Variants in ABCA1 observed in about 807,000 individuals in gnomAD.
ABCA1 encodes the protein phospholipid-transporting ATPase ABCA1.
ABCA1 carries 133 observed loss-of-function variants against 262.5 expected under a neutral mutation model. That is an observed-to-expected ratio of 0.51 (90% CI 0.44 to 0.59). The LOEUF is 0.59. ABCA1 is among the 20% of genes least tolerant of loss of function. ABCA1 has a pLI of 0.00. For synonymous variants in ABCA1, 1,022 were observed against 1,043.5 expected (o/e 0.98, Z 0.40); for missense variants, 2,452 against 2,777.5 (o/e 0.88, Z 2.63).
chr9:104,903,226 G>A (rs1840810930), intron 2 of ABCA1, among the ~76,000 whole-genome samples: 1 of 152,146 alleles, frequency 6.6e-6, no homozygotes, highest in African/African-American at 2.4e-5. Context: ...TAAGAGTGGG[G>A]CCACTAACTC....
Position 104,812,594 on chromosome 9 carries a change from G to C in ABCA1, c.4030C>G (p.Arg1344Gly). Residue 1344 changes from arginine to glycine, a missense_variant, in exon 28 of 50, where the codon CGG (arginine) becomes GGG (glycine). Physicochemically the swap from Arg to Gly is moderately radical, Grantham distance 125. Transcript: ENST00000374736. ...CTCACCTGAGCAAAAAATCCTTTCC[G>C]ACTCCGTCTGGCAATTAGCAGTCTC... ...WKRLLIARRS[R>G]KGFFAQIVLP... The C allele has an allele frequency of 6.2e-7, 1 of 1,614,072 alleles. No homozygotes were observed. Among genetic ancestry groups the C allele is most frequent in the Non-Finnish European group, 8.5e-7 (1 of 1,180,028 alleles).
chr9:104,879,611 C>T (rs1045335259), intron 5 of ABCA1, among the ~76,000 whole-genome samples: 1 of 152,052 alleles, frequency 6.6e-6, no homozygotes, highest in African/African-American at 2.4e-5. Flanking sequence ...TTCAAAAAGC[C>T]AACAATACAA....
Position 104,799,983 on chromosome 9 carries a change from C to G in ABCA1, c.4779G>C (p.Trp1593Cys), listed in dbSNP as rs1305088181. The change falls in exon 36 of 50, where the codon TGG becomes TGC. Residue 1593 changes from tryptophan to cysteine, a missense_variant. This residue lies in a region of ABCA1 where 752 missense variants were observed against 944.5 expected (regional missense o/e 0.80). Coordinates refer to ENST00000374736, the MANE Select transcript of ABCA1 (RefSeq NM_005502.4). ...GLDTKNNVKV[W>C]FNNKGWHAIS... is the part of the protein sequence containing the mutation. ...TTGCATGCCAGCCCTTGTTATTGAA[C>G]CACACCTGAAAGAAAACATACCAGG... The G allele has an allele frequency of 1.9e-6, 3 of 1,614,118 alleles. No individual in the cohort carries two copies. Among genetic ancestry groups the G allele is most frequent in the Non-Finnish European group, 1.7e-6 (2 of 1,180,032 alleles).
rs752266784 is a variant in ABCA1, at chr9:104,845,500, T to C, written c.790A>G (p.Ser264Gly). The C allele has an allele frequency of 1.9e-6, 3 of 1,613,882 alleles. No individual in the cohort carries two copies. In the African/African-American group the frequency reaches 4.0e-5, roughly 22 times the overall value. The change falls in exon 8 of 50, where the codon AGT (serine) becomes GGT (glycine). Residue 264 changes from serine to glycine, a missense_variant. This residue lies in a region of ABCA1 where 1,032 missense variants were observed against 1,089.7 expected (regional missense o/e 0.95). Transcript: ENST00000374736. Reference protein sequence around the residue: ...LAEATKTLLHSLGTLAQELFS... With the variant: ...LAEATKTLLHGLGTLAQELFS... The stretch of plus-strand genomic sequence containing the variant: ...ACCTCCTGGGCCAGAGTCCCAAGAC[T>C]ATGCAGCAATGTTTTTGTGGCTTCA...
chr9:104,817,262 C>A lies in ABCA1; in HGVS notation c.3535+70G>T, dbSNP rs1196911236. 2.5e-6 allele frequency: 4 copies of A among 1,612,984 alleles called. No individual in the cohort carries two copies. The highest frequency in any genetic ancestry group is 3.4e-6 in the Non-Finnish European group (4 of 1,179,708). ...GCCACCAGCCTCTGCACCTCTCCTC[C>A]TCTGCCTCCACTCTGCCCAGCTGGG... On this transcript the variant is annotated intron_variant, in intron 24 of 49. Coordinates refer to ENST00000374736, the MANE Select transcript of ABCA1 (RefSeq NM_005502.4). The surrounding 1 kb of genome is among the most constrained non-coding windows in gnomAD (Gnocchi z 4.7).
intron 5 of ABCA1, among the ~76,000 whole-genome samples, chr9:104,876,965 C>T (rs1013987497): frequency 1.3e-5 from 2 of 152,168 alleles, no homozygotes; most frequent in African/African-American, 4.8e-5. Flanking sequence ...TTTAAAAAAT[C>T]TTACTTTTGC....
chr9:104,858,039 T>C (rs1836000425), intron 7 of ABCA1, among the ~76,000 whole-genome samples: 1 of 152,220 alleles, frequency 6.6e-6, no homozygotes, highest in Non-Finnish European at 1.5e-5. Context: ...TTCTTTGCAA[T>C]GTTATTACTA....
chr9:104,914,020 C>G (rs1040261211), intron 1 of ABCA1, among the ~76,000 whole-genome samples: 1 of 151,568 alleles, frequency 6.6e-6, no homozygotes. Context: ...AGGATGGTCT[C>G]GATCTCCTGA....
In ABCA1 at chr9:104,903,483, G is replaced by A. The variant is rs909425339; in HGVS notation, c.66+131C>T. On this transcript the variant is annotated intron_variant, in intron 2 of 49. Coordinates refer to ENST00000374736, the MANE Select transcript of ABCA1 (RefSeq NM_005502.4). ...GGACCACACAGTCCTGTGTCCATAA[G>A]AGCCAGATTCCATCAATCCCTGTGT... 6 of 975,148 alleles carry A rather than the reference G, an allele frequency of 6.2e-6. No individual in the cohort carries two copies. The African/African-American group carries it at 8.1e-5, about 13-fold the overall frequency. 60.4% of individuals were successfully genotyped at this position (975,148 alleles called of 1,614,324 possible).
Position 104,834,293 on chromosome 9 carries a change from G to A in ABCA1, c.1312-1522C>T, listed in dbSNP as rs1292685833. On this transcript the variant is annotated intron_variant, in intron 11 of 49. Transcript: ENST00000374736. ...TTCAGTAGGCTACATCCCTGGGGGT[G>A]GGTGGAATGGAGGTACGCAGGATAG... 2.7e-5 allele frequency among the ~76,000 whole-genome samples: 4 copies of A among 149,630 alleles called. No individual in the cohort carries two copies. The East Asian group carries it at 6.5e-4, about 24-fold the overall frequency.
chr9:104,824,662 G>GA, intron 17 of ABCA1, 84 bp from the exon 18 acceptor site: 1 of 1,476,970 alleles, frequency 6.8e-7, no homozygotes, highest in East Asian at 2.3e-5. Flanking sequence ...TTTCCTCCTT[G>GA]ACACATCCTT....
chr9:104,784,053 T>G lies in ABCA1; in HGVS notation c.*262A>C. The G allele has an allele frequency of 2.3e-6, 1 of 430,126 alleles. No homozygotes were observed. Among genetic ancestry groups the G allele is most frequent in the Non-Finnish European group, 4.2e-6 (1 of 238,804 alleles). 26.6% of individuals were successfully genotyped at this position (430,126 alleles called of 1,614,324 possible). On this transcript the variant is annotated 3_prime_UTR_variant, in exon 50 of 50. Transcript: ENST00000374736. ...ATGTCCATTGGGTTCCATAATAGAG[T>G]TTCACATAGGTATAGGTAAAAAACT...
intron 7 of ABCA1, among the ~76,000 whole-genome samples, chr9:104,852,094 T>C (rs1835428470): frequency 6.6e-6 from 1 of 152,248 alleles, no homozygotes; most frequent in Non-Finnish European, 1.5e-5. Context: ...TTACAATGTG[T>C]TCATTGAAAC....
Position 104,824,268 on chromosome 9 carries a change from C to T in ABCA1, c.2656+197G>A, listed in dbSNP as rs763476922. Among the ~76,000 whole-genome samples the T allele has an allele frequency of 1.4e-4, 21 of 152,162 alleles. 1 individual carries two copies. Among genetic ancestry groups the T allele is most frequent in the Admixed American group, 5.9e-4 (9 of 15,278 alleles). ...GAAAATGTCCCTCAGGGATCGAGAC[C>T]GTGAACTCCCAATAGGTCAACAGCA... On this transcript the variant is annotated intron_variant, in intron 18 of 49. Coordinates refer to ENST00000374736, the MANE Select transcript of ABCA1 (RefSeq NM_005502.4).
intron 1 of ABCA1, among the ~76,000 whole-genome samples, chr9:104,913,351 A>G (rs1306787348): frequency 1.3e-5 from 2 of 152,214 alleles, no homozygotes; most frequent in Admixed American, 1.3e-4. Context: ...CCAGCTCTGG[A>G]ACCCTAGGGA....
chr9:104,887,911 G>A (rs1026007347), intron 3 of ABCA1, among the ~76,000 whole-genome samples: 1 of 151,858 alleles, frequency 6.6e-6, no homozygotes, highest in Non-Finnish European at 1.5e-5. Flanking sequence ...ATTTTTAGTA[G>A]AGACGAGGTT....
chr9:104,849,331 C>A (rs1007560403), intron 7 of ABCA1, among the ~76,000 whole-genome samples: 1 of 152,136 alleles, frequency 6.6e-6, no homozygotes, highest in Non-Finnish European at 1.5e-5. Context: ...AATGCCATAT[C>A]TTATGATATG....
Position 104,790,949 on chromosome 9 carries a change from CT to C in ABCA1, c.5899del (p.Arg1967GlufsTer35). 2 of 1,613,544 alleles carry C rather than the reference CT, an allele frequency of 1.2e-6. No individual in the cohort carries two copies. The highest frequency in any genetic ancestry group is 1.7e-6 in the Non-Finnish European group (2 of 1,179,578). The part of the protein sequence containing the change: ...KMLTGDTTVT[R>X]GDAFLNKNSI... ...ATTTTTGTTAAGGAAAGCATCTCCTCTGGTAACAGTGGTATCTCCTGTTAAC... is the reference window on the plus strand; with the variant it reads ...ATTTTTGTTAAGGAAAGCATCTCCTCGGTAACAGTGGTATCTCCTGTTAAC... On this transcript the variant is annotated frameshift_variant, in exon 44 of 50. Transcript: ENST00000374736. LOFTEE classifies it high-confidence loss of function.
rs947153131 is a variant in ABCA1, at chr9:104,812,439, A to G, written c.4050+135T>C. 4 of 1,163,494 alleles carry G rather than the reference A, an allele frequency of 3.4e-6. No homozygotes were observed. The African/African-American group carries it at 4.6e-5, about 13-fold the overall frequency. The allele number at this position is 1,163,494 out of a possible 1,614,324, so 72.1% of individuals were successfully genotyped here. Reference sequence around the variant, plus strand: ...CGGATACACAACTGGCAAGGAATAGAACTGGGATTGAAATACAGATAAATC... The same window carrying G: ...CGGATACACAACTGGCAAGGAATAGGACTGGGATTGAAATACAGATAAATC... On this transcript the variant is annotated intron_variant, in intron 28 of 49. Transcript: ENST00000374736.
Sources: allele counts gnomAD v4.1 joint callset (sites outside exome capture counted in the v4.1 genomes callset), GRCh38; gene constraint gnomAD v4.1.1; regional missense constraint gnomAD v4.1.1; non-coding constraint Gnocchi (gnomAD v3.1); transcripts MANE v1.5; gene names NCBI Gene and HGNC (gene_info 2026-07-23, HGNC 2026-07-21).